Variants in CLVS1 observed in about 807,000 individuals in gnomAD.
The protein encoded by CLVS1 is clavesin-1.
CLVS1 carries 10 observed loss-of-function variants against 33.1 expected under a neutral mutation model. The ratio of observed to expected loss-of-function variants is 0.30; its 90% CI spans 0.19 to 0.51. The LOEUF is 0.51. CLVS1 is among the 20% of genes least tolerant of loss of function. The pLI, the probability that CLVS1 is intolerant of heterozygous loss-of-function variation, is 0.97. For synonymous variants in CLVS1, 163 were observed against 166.1 expected, an observed-to-expected ratio of 0.98 and a Z score of 0.14; for missense variants, 343 against 433.4, an observed-to-expected ratio of 0.79 and a Z score of 1.85.
intron 1 of CLVS1, among the ~76,000 whole-genome samples, chr8:61,073,891 A>G (rs1028446549): frequency 6.6e-6 from 1 of 151,694 alleles, no homozygotes; most frequent in Non-Finnish European, 1.5e-5. Flanking sequence ...GGGCGCCTGT[A>G]GTCCCAGCTA....
intron 2 of CLVS1, among the ~76,000 whole-genome samples, chr8:61,248,504 T>C (rs1321940465): frequency 3.9e-5 from 6 of 152,168 alleles, no homozygotes; most frequent in Admixed American, 1.3e-4. Context: ...GATCTTTCAC[T>C]TCCCTTGTTA....
chr8:61,418,980 A>G (rs1307784125), intron 3 of CLVS1, among the ~76,000 whole-genome samples: 1 of 147,818 alleles, frequency 6.8e-6, no homozygotes, highest in Non-Finnish European at 1.5e-5. Flanking sequence ...AGAACCAAGT[A>G]CACTGGCCTG....
At chr8:61,380,620 T>C (rs1319290004) in intron 3 of CLVS1, among the ~76,000 whole-genome samples, 1 of 152,172 alleles carries the variant, frequency 6.6e-6, no homozygotes. Context: ...GATCTTTAAA[T>C]GTGGTCAATA....
At chr8:61,075,305 G>A (rs951277239) in intron 1 of CLVS1, among the ~76,000 whole-genome samples, 2 of 152,178 alleles carry the variant, frequency 1.3e-5, no homozygotes, top group African/African-American at 2.4e-5. Flanking sequence ...AAAGAGCAAT[G>A]GGTTGATCCA....
Position 61,063,289 on chromosome 8 carries a change from GAGAGAT to G in CLVS1, c.-243+6065_-243+6070del, listed in dbSNP as rs1485968633. On this transcript the variant is annotated intron_variant, in intron 1 of 2. Transcript: ENST00000522621. ...AGAGAGAGAGAGAGAGAGAGAGAGA[GAGAGAT>G]AGAGAGAGAGAGAGAACAGTCATTT... Among the ~76,000 whole-genome samples, 987 of 109,226 alleles carry G rather than the reference GAGAGAT, an allele frequency of 9.0e-3. 51 individuals carry two copies. The highest frequency in any genetic ancestry group is 0.044 in the African/African-American group (712 of 16,054). The allele number at this position is 109,226 out of a possible 152,430, so 71.7% of individuals were successfully genotyped here.
chr8:61,389,222 C>T (rs1363883509), intron 3 of CLVS1, among the ~76,000 whole-genome samples: 1 of 152,082 alleles, frequency 6.6e-6, no homozygotes, highest in Non-Finnish European at 1.5e-5. Context: ...AGAGGCTAAC[C>T]CACATTAGCA....
At chr8:61,203,115 G>A (rs952099868) in intron 2 of CLVS1, 2 of 1,238,664 alleles carry the variant, frequency 1.6e-6, no homozygotes, top group Non-Finnish European at 2.3e-6. Context: ...ATAGAAAAAG[G>A]TGGTTCTCTT....
At chr8:61,277,317 C>G (rs1274299986) in intron 2 of CLVS1, among the ~76,000 whole-genome samples, 1 of 152,188 alleles carries the variant, frequency 6.6e-6, no homozygotes. Flanking sequence ...GGATCTTCTG[C>G]ACAAATTGTC....
At chr8:61,298,751 C>T (rs12680454) in intron 1 of CLVS1, among the ~76,000 whole-genome samples, 40,333 of 152,056 alleles carry the variant, frequency 0.27, 7,878 homozygotes, top group East Asian at 0.84. Flanking sequence ...TAAGCATTTA[C>T]ATTTAAAATA....
At chr8:61,058,264 G>C (rs777983155) in intron 1 of CLVS1, among the ~76,000 whole-genome samples, 2 of 152,176 alleles carry the variant, frequency 1.3e-5, no homozygotes, top group Non-Finnish European at 2.9e-5. Flanking sequence ...GATTGTGCAG[G>C]ACAGGATGTG....
intron 1 of CLVS1, among the ~76,000 whole-genome samples, chr8:61,095,141 A>G (rs976510778): frequency 6.6e-6 from 1 of 152,224 alleles, no homozygotes; most frequent in Non-Finnish European, 1.5e-5. Flanking sequence ...ATTTTGAAAG[A>G]AGCCACTCTG....
At chr8:61,475,405 C>T (rs889255304) in intron 5 of CLVS1, among the ~76,000 whole-genome samples, 2 of 152,214 alleles carry the variant, frequency 1.3e-5, no homozygotes, top group South Asian at 2.1e-4. Context: ...AGTTTAGAGT[C>T]CCACCAACAG....
intron 2 of CLVS1, among the ~76,000 whole-genome samples, chr8:61,306,398 G>A (rs951027526): frequency 2.0e-5 from 3 of 152,048 alleles, no homozygotes; most frequent in African/African-American, 7.2e-5. Flanking sequence ...TTTTTTCCTT[G>A]TAAATTTGTT....
At chr8:61,277,930 C>T (rs1172636491) in intron 2 of CLVS1, among the ~76,000 whole-genome samples, 1 of 152,056 alleles carries the variant, frequency 6.6e-6, no homozygotes, top group Non-Finnish European at 1.5e-5. Flanking sequence ...AGTGGGAAGG[C>T]AAATAACTAG....
chr8:61,056,952 G>A (rs545498051), upstream of CLVS1, among the ~76,000 whole-genome samples: 7 of 152,250 alleles, frequency 4.6e-5, no homozygotes, highest in South Asian at 1.5e-3. Context: ...GAATGGTGGT[G>A]CCTCTGCTAG....
intron 1 of CLVS1, among the ~76,000 whole-genome samples, chr8:61,108,088 T>G (rs1452792169): frequency 6.6e-6 from 1 of 151,762 alleles, no homozygotes; most frequent in Non-Finnish European, 1.5e-5. Context: ...GCCAACATGG[T>G]GAAACCCCAT....
At chr8:60,991,204 G>A in the CLVS1 span, among the ~76,000 whole-genome samples, 2 of 151,850 alleles carry the variant, frequency 1.3e-5, no homozygotes, top group Admixed American at 6.6e-5. Context: ...TCAAGAGCTA[G>A]CACAAAAAAA....
At chr8:61,259,187 C>A (rs180760629) in intron 2 of CLVS1, among the ~76,000 whole-genome samples, 1 of 152,314 alleles carries the variant, frequency 6.6e-6, no homozygotes. Context: ...AAATGAAATA[C>A]AATAGCTAGT....
At chr8:61,216,112 T>C (rs1419545081) in intron 2 of CLVS1, among the ~76,000 whole-genome samples, 3 of 152,218 alleles carry the variant, frequency 2.0e-5, no homozygotes, top group Non-Finnish European at 4.4e-5. Context: ...GATTTCTTTA[T>C]GGTCATCGTG....
Sources: allele counts gnomAD v4.1 joint callset (sites outside exome capture counted in the v4.1 genomes callset), GRCh38; gene constraint gnomAD v4.1.1; transcripts MANE v1.5; gene names NCBI Gene and HGNC (gene_info 2026-07-23, HGNC 2026-07-21).